EPM2A: variants seen among roughly 807,000 people sequenced by gnomAD.
The protein encoded by EPM2A is laforin.
EPM2A carries 21 observed loss-of-function variants against 26.5 expected under a neutral mutation model. The ratio of observed to expected loss-of-function variants is 0.79; its 90% CI spans 0.56 to 1.14. The LOEUF (loss-of-function observed/expected upper bound fraction) is 1.14, where lower values mean the gene tolerates loss of function less well. EPM2A is among the 50% of genes most tolerant of loss of function. EPM2A has a pLI of 0.00. For synonymous variants in EPM2A, 217 were observed against 177.6 expected (o/e 1.22, Z -1.76); for missense variants, 458 against 440.8 (o/e 1.04, Z -0.35).
chr6:145,681,843 A>G (rs1583044142), intron 2 of EPM2A, among the ~76,000 whole-genome samples: 1 of 152,286 alleles, frequency 6.6e-6, no homozygotes, highest in Non-Finnish European at 1.5e-5. Context: ...GTTCTCTTTT[A>G]CATGACATGT....
intron 1 of EPM2A, among the ~76,000 whole-genome samples, chr6:145,720,645 C>G (rs1775904360): frequency 6.6e-6 from 1 of 152,124 alleles, no homozygotes; most frequent in East Asian, 1.9e-4. Context: ...AACAGATAGA[C>G]TTTTGCTGAC....
At chr6:145,710,259 A>G (rs1267355118) in intron 1 of EPM2A, among the ~76,000 whole-genome samples, 6 of 152,332 alleles carry the variant, frequency 3.9e-5, no homozygotes, top group Non-Finnish European at 7.4e-5. Flanking sequence ...AAGAACTCAA[A>G]TAAATTTACA....
At chr6:145,667,932 T>C (rs866499345) in intron 2 of EPM2A, among the ~76,000 whole-genome samples, 3 of 149,468 alleles carry the variant, frequency 2.0e-5, no homozygotes, top group Non-Finnish European at 3.0e-5. Flanking sequence ...CCAAACACCG[T>C]ATATTCTCAC....
At position 145,414,064 on chromosome 6, in the gene EPM2A, T is replaced by C. The variant is rs573497746; in HGVS notation, c.556-29967A>G. ...AATATGGTGTGGGTGCTAGCTAAGC[T>C]TGACGCTGCTGGATTCCAGTACCCT... is the stretch of plus-strand genomic sequence containing the variant. On this transcript the variant is annotated intron_variant, in intron 4 of 4. Coordinates refer to the EPM2A transcript ENST00000638717. Among the ~76,000 whole-genome samples the C allele has an allele frequency of 2.3e-4, 35 of 152,322 alleles. No homozygotes were observed. The South Asian group carries it at 5.0e-3, about 22-fold the overall frequency.
intron 4 of EPM2A, among the ~76,000 whole-genome samples, chr6:145,437,864 C>T (rs1415602310): frequency 6.6e-6 from 1 of 152,330 alleles, no homozygotes; most frequent in Non-Finnish European, 1.5e-5. Flanking sequence ...CAGCTCTTAC[C>T]TGTTTAGGTT....
At chr6:145,512,864 T>G (rs552168841) in intron 2 of EPM2A, among the ~76,000 whole-genome samples, 1 of 151,942 alleles carries the variant, frequency 6.6e-6, no homozygotes, top group Non-Finnish European at 1.5e-5. Flanking sequence ...GCTAGCCACA[T>G]GCAGAAGAAT....
At chr6:145,705,863 A>C (rs1222345478) in intron 1 of EPM2A, 8 of 456,500 alleles carry the variant, frequency 1.8e-5, no homozygotes, top group South Asian at 1.2e-4. Flanking sequence ...GATACTGGTA[A>C]ACAGTAATCG....
intron 2 of EPM2A, among the ~76,000 whole-genome samples, chr6:145,597,739 A>T (rs1052401706): frequency 2.0e-5 from 3 of 152,124 alleles, no homozygotes; most frequent in Non-Finnish European, 4.4e-5. Flanking sequence ...TTCACCCTCA[A>T]GAAGGCCCCA....
At chr6:145,534,685 G>A (rs1780406971) in intron 2 of EPM2A, among the ~76,000 whole-genome samples, 1 of 152,218 alleles carries the variant, frequency 6.6e-6, no homozygotes, top group Non-Finnish European at 1.5e-5. Flanking sequence ...ACTGCCCAGT[G>A]AGTGAAGCTT....
intron 4 of EPM2A, among the ~76,000 whole-genome samples, chr6:145,403,976 A>T (rs1778532267): frequency 6.6e-6 from 1 of 152,144 alleles, no homozygotes; most frequent in African/African-American, 2.4e-5. Flanking sequence ...GTGAGACGAT[A>T]GTGCATTCTA....
chr6:145,458,473 G>A (rs1779289027), intron 4 of EPM2A, among the ~76,000 whole-genome samples: 3 of 152,132 alleles, frequency 2.0e-5, no homozygotes, highest in Admixed American at 6.6e-5. Context: ...TTTTCCTCTT[G>A]TGATGAATTT....
At chr6:145,385,413 G>T (rs776634570) in intron 4 of EPM2A, among the ~76,000 whole-genome samples, 1 of 151,858 alleles carries the variant, frequency 6.6e-6, no homozygotes, top group Non-Finnish European at 1.5e-5. Context: ...ATAAAAAAAG[G>T]TCATTTGTAA....
intron 4 of EPM2A, among the ~76,000 whole-genome samples, chr6:145,482,853 AT>A (rs1347240246): frequency 2.1e-5 from 3 of 142,844 alleles, no homozygotes; most frequent in Non-Finnish European, 4.5e-5. Context: ...TATGTCTTAA[AT>A]TATAGCTATT....
At chr6:145,427,745 A>G (rs1445594289) in intron 4 of EPM2A, among the ~76,000 whole-genome samples, 1 of 152,196 alleles carries the variant, frequency 6.6e-6, no homozygotes, top group Non-Finnish European at 1.5e-5. Flanking sequence ...TTCAATATGT[A>G]ACATGTCTCT....
chr6:145,670,779 T>A, intron 2 of EPM2A: 1 of 295,656 alleles, frequency 3.4e-6, no homozygotes, highest in Non-Finnish European at 5.0e-6. Flanking sequence ...TAAAAATATA[T>A]TTCGAAAACA....
intron 4 of EPM2A, among the ~76,000 whole-genome samples, chr6:145,460,446 C>A (rs1779315224): frequency 6.6e-6 from 1 of 152,118 alleles, no homozygotes; most frequent in African/African-American, 2.4e-5. Context: ...TTTGAAAATG[C>A]TGGCTTTTAA....
chr6:145,506,376 T>G (rs1353600885), intron 2 of EPM2A, among the ~76,000 whole-genome samples: 1 of 152,096 alleles, frequency 6.6e-6, no homozygotes, highest in Admixed American at 6.5e-5. Context: ...CTCAAAGAAA[T>G]AATCCTAAGG....
intron 2 of EPM2A, among the ~76,000 whole-genome samples, chr6:145,651,193 C>G (rs2128578242): frequency 6.6e-6 from 1 of 152,228 alleles, no homozygotes; most frequent in South Asian, 2.1e-4. Flanking sequence ...TTTTCTTAGC[C>G]AAATGTGAAT....
At chr6:145,513,897 A>G (rs1373611243) in intron 2 of EPM2A, among the ~76,000 whole-genome samples, 1 of 152,158 alleles carries the variant, frequency 6.6e-6, no homozygotes, top group East Asian at 1.9e-4. Context: ...AAACCTAACA[A>G]AAGTTTATTT....
Sources: gnomAD v4.1 joint callset for allele counts (sites outside exome capture counted in the v4.1 genomes callset) on GRCh38, gnomAD v4.1.1 for gene constraint, MANE v1.5 for transcripts, NCBI Gene and HGNC (gene_info 2026-07-23, HGNC 2026-07-21) for gene names.